Variants in ZC4H2 observed in about 807,000 individuals in gnomAD.
ZC4H2 encodes the protein zinc finger C4H2-type containing, also known as zinc finger C4H2 domain-containing protein.
For synonymous variants in ZC4H2, 84 were observed against 66.3 expected (o/e 1.27, Z -1.30); for missense variants, 137 against 173.9 (o/e 0.79, Z 1.19).
intron 1 of ZC4H2, among the ~76,000 whole-genome samples, chrX:65,009,576 G>T (rs1327892662): frequency 8.9e-6 from 1 of 111,827 alleles, no homozygotes; most frequent in Non-Finnish European, 1.9e-5. Flanking sequence ...GAGCATAGAA[G>T]GTTTGCTTAT....
intron 1 of ZC4H2, among the ~76,000 whole-genome samples, chrX:65,019,748 G>T (rs1932822707): frequency 8.9e-6 from 1 of 112,015 alleles, no homozygotes; most frequent in Admixed American, 9.4e-5. Context: ...TGAGCTAAAG[G>T]AGCATGTTCT....
chrX:64,979,725 T>C (rs978055810), upstream of ZC4H2, among the ~76,000 whole-genome samples: 4 of 111,906 alleles, frequency 3.6e-5, no homozygotes, highest in African/African-American at 1.3e-4. Context: ...AAGTTTGCAA[T>C]GGCTGAAACA....
intron 1 of ZC4H2, among the ~76,000 whole-genome samples, chrX:64,949,576 C>T (rs890096950): frequency 1.8e-5 from 2 of 111,579 alleles, no homozygotes; most frequent in Non-Finnish European, 3.8e-5. Context: ...GCAAGTTACA[C>T]GGGAAGCACT....
chrX:64,952,616 G>A (rs897462360), intron 1 of ZC4H2, among the ~76,000 whole-genome samples: 2 of 111,169 alleles, frequency 1.8e-5, no homozygotes, highest in African/African-American at 6.6e-5. Context: ...TACAAGAGAT[G>A]TGAAGGACCT....
rs142052760 is a variant in ZC4H2 at position 64,933,011 on chromosome X, C to T, written c.54-11023G>A. On this transcript the variant is annotated intron_variant, in intron 1 of 4. Transcript: ENST00000374839. ...ATCACCACTTATTCTTAGGTTTGGT[C>T]ATTTTACATAATCCCATATTCCTTG... Among the ~76,000 whole-genome samples the T allele has an allele frequency of 1.7e-4, 19 of 111,682 alleles. No homozygotes were observed. In the East Asian group the frequency reaches 5.1e-3, roughly 30 times the overall value.
intron 1 of ZC4H2, among the ~76,000 whole-genome samples, chrX:64,995,826 C>T (rs1208629579): frequency 1.8e-5 from 2 of 112,207 alleles, no homozygotes; most frequent in Admixed American, 9.5e-5. Context: ...GCTTTACCTA[C>T]CTTGGAATCC....
At chrX:64,919,754 G>T in intron 3 of ZC4H2, 1 of 206,037 alleles carries the variant, frequency 4.9e-6, no homozygotes, top group Non-Finnish European at 8.8e-6. Context: ...ACCCTGACTT[G>T]GGAAATGATC....
intron 1 of ZC4H2, among the ~76,000 whole-genome samples, chrX:65,028,404 G>A (rs933930813): frequency 1.2e-4 from 13 of 112,246 alleles, no homozygotes; most frequent in African/African-American, 4.2e-4. Flanking sequence ...GTGCATATAT[G>A]CAGCTTATTT....
intron 4 of ZC4H2, chrX:64,918,119 A>C (rs1929017355): frequency 2.9e-6 from 1 of 347,636 alleles, no homozygotes; most frequent in East Asian, 5.1e-5. Context: ...CAAAACTAGA[A>C]AGTAAGGCAA....
In ZC4H2 at chrX:64,976,449, G is replaced by A; in HGVS notation, c.-72C>T. Reference sequence around the variant, plus strand: ...AGCCAAGGGATACAATAGACACAATGTAGCCACCTCCTCCGGGCTTGGGGC... The same window carrying A: ...AGCCAAGGGATACAATAGACACAATATAGCCACCTCCTCCGGGCTTGGGGC... On this transcript the variant is annotated 5_prime_UTR_variant, in exon 1 of 5. Coordinates refer to ENST00000374839, the MANE Select transcript of ZC4H2 (RefSeq NM_018684.4). The A allele has an allele frequency of 9.2e-7, 1 of 1,081,721 alleles. No homozygotes were observed. Among genetic ancestry groups the A allele is most frequent in the Non-Finnish European group, 1.3e-6 (1 of 778,120 alleles). 89.1% of individuals were successfully genotyped at this position (1,081,721 alleles called of 1,213,427 possible).
At chrX:64,957,079 A>C (rs1931188699) in intron 1 of ZC4H2, among the ~76,000 whole-genome samples, 1 of 112,641 alleles carries the variant, frequency 8.9e-6, no homozygotes, top group Non-Finnish European at 1.9e-5. Flanking sequence ...TATTAGGTAG[A>C]CAAGATTGAA....
intron 1 of ZC4H2, among the ~76,000 whole-genome samples, chrX:64,996,057 G>GA (rs760911833): frequency 7.2e-5 from 8 of 111,634 alleles, no homozygotes; most frequent in African/African-American, 2.6e-4. Context: ...TGCATACTCA[G>GA]AAAAAACCTG....
chrX:65,004,570 T>C (rs1303800119), intron 1 of ZC4H2, among the ~76,000 whole-genome samples: 1 of 111,971 alleles, frequency 8.9e-6, no homozygotes, highest in Non-Finnish European at 1.9e-5. Flanking sequence ...TAGGTATTGA[T>C]GGAACATATC....
intron 1 of ZC4H2, among the ~76,000 whole-genome samples, chrX:64,970,477 G>GGAGGAAGA (rs1931741014): frequency 3.0e-5 from 3 of 99,575 alleles, no homozygotes; most frequent in East Asian, 6.9e-4. Flanking sequence ...AAGGAAGAAG[G>GGAGGAAGA]GAGGAAGAGA....
chrX:64,973,430 G>A (rs1931845201), intron 1 of ZC4H2, among the ~76,000 whole-genome samples: 1 of 109,712 alleles, frequency 9.1e-6, no homozygotes, highest in Non-Finnish European at 1.9e-5. Context: ...GTAGAAGCAT[G>A]TCCTCCCCTT....
At chrX:65,012,498 G>A (rs1280706796) in intron 1 of ZC4H2, among the ~76,000 whole-genome samples, 1 of 111,027 alleles carries the variant, frequency 9.0e-6, no homozygotes. Flanking sequence ...TCCCTCTCTT[G>A]CTCTCATTCA....
intron 1 of ZC4H2, among the ~76,000 whole-genome samples, chrX:64,934,730 T>A (rs1168698344): frequency 9.0e-6 from 1 of 111,477 alleles, no homozygotes; most frequent in East Asian, 2.8e-4. Flanking sequence ...AACTGGGAAG[T>A]GCAAGGGGTC....
At chrX:65,009,255 T>C (rs1468936536) in intron 1 of ZC4H2, among the ~76,000 whole-genome samples, 1 of 111,861 alleles carries the variant, frequency 8.9e-6, no homozygotes, top group Non-Finnish European at 1.9e-5. Context: ...CACAGCTGCC[T>C]GCCACACGGA....
chrX:64,986,096 C>A (rs1217673182), intron 1 of ZC4H2, among the ~76,000 whole-genome samples: 3 of 112,119 alleles, frequency 2.7e-5, no homozygotes, highest in Non-Finnish European at 5.6e-5. Flanking sequence ...ATACAGTGAT[C>A]TGTTGCTTAA....
Sources: gnomAD v4.1 joint callset for allele counts (sites outside exome capture counted in the v4.1 genomes callset) on GRCh38, gnomAD v4.1.1 for gene constraint, MANE v1.5 for transcripts, NCBI Gene and HGNC (gene_info 2026-07-23, HGNC 2026-07-21) for gene names.